The following FSTL5 variants were observed in gnomAD, a reference collection of about 807,000 sequenced individuals.
The protein encoded by FSTL5 is follistatin-related protein 5.
Under a neutral mutation model 89.1 loss-of-function variants are expected in FSTL5, and 62 were observed. The observed-to-expected ratio is 0.70, with a 90% CI of 0.57 to 0.86. FSTL5 has a LOEUF of 0.86. Among genes scored for constraint, FSTL5 ranks in the 40% least tolerant of loss-of-function variants. The pLI, the probability that FSTL5 is intolerant of heterozygous loss-of-function variation, is 0.00. For missense variants in FSTL5, 1,057 were observed against 1,001.6 expected (o/e 1.06, Z -0.75); for synonymous variants, 383 against 346.2 (o/e 1.11, Z -1.18).
chr4:162,102,930 A>G (rs180820806), intron 2 of FSTL5, among the ~76,000 whole-genome samples: 3 of 151,682 alleles, frequency 2.0e-5, no homozygotes, highest in Admixed American at 6.6e-5. Context: ...CAAAAGTTCA[A>G]ACTTGCCAAG....
chr4:161,660,504 T>C (rs370054575), intron 6 of FSTL5, among the ~76,000 whole-genome samples: 2 of 152,160 alleles, frequency 1.3e-5, no homozygotes, highest in East Asian at 3.9e-4. Context: ...CAGGGATACA[T>C]GTATGGGTTT....
intron 15 of FSTL5, among the ~76,000 whole-genome samples, chr4:161,415,512 C>T (rs1731742455): frequency 6.6e-6 from 1 of 152,066 alleles, no homozygotes; most frequent in Admixed American, 6.6e-5. Context: ...GCATCAACCT[C>T]CCAAAGTGCT....
intron 6 of FSTL5, among the ~76,000 whole-genome samples, chr4:161,697,830 G>T (rs950127259): frequency 9.2e-5 from 14 of 152,102 alleles, no homozygotes; most frequent in Non-Finnish European, 1.8e-4. Context: ...AATCTCTAGA[G>T]CCTATTTGGA....
At chr4:161,803,938 T>C (rs1266170897) in intron 4 of FSTL5, among the ~76,000 whole-genome samples, 1 of 151,990 alleles carries the variant, frequency 6.6e-6, no homozygotes, top group Non-Finnish European at 1.5e-5. Context: ...GATTAGATCT[T>C]CTCCTAAGCT....
At chr4:161,970,869 T>A (rs913854443) in intron 3 of FSTL5, among the ~76,000 whole-genome samples, 5 of 152,060 alleles carry the variant, frequency 3.3e-5, no homozygotes, top group Admixed American at 2.0e-4. Context: ...TGTAACTGTA[T>A]CAGTTATATT....
chr4:161,685,701 G>A (rs1034296671), intron 6 of FSTL5, among the ~76,000 whole-genome samples: 10 of 152,090 alleles, frequency 6.6e-5, no homozygotes, highest in Admixed American at 5.9e-4. Flanking sequence ...CATATCATTA[G>A]CAAACAAAGA....
intron 6 of FSTL5, among the ~76,000 whole-genome samples, chr4:161,753,745 C>T (rs916320778): frequency 6.6e-6 from 1 of 151,954 alleles, no homozygotes; most frequent in Non-Finnish European, 1.5e-5. Context: ...ATCTATATTG[C>T]ATTAAGAACT....
intron 6 of FSTL5, among the ~76,000 whole-genome samples, chr4:161,670,559 A>T (rs1737064066): frequency 6.6e-6 from 1 of 152,176 alleles, no homozygotes; most frequent in African/African-American, 2.4e-5. Context: ...ACAGACTTTA[A>T]TATTGTTTGC....
At chr4:161,759,011 A>G in intron 6 of FSTL5, among the ~76,000 whole-genome samples, 1 of 152,202 alleles carries the variant, frequency 6.6e-6, no homozygotes, top group East Asian at 1.9e-4. Flanking sequence ...CCCTTCAAAT[A>G]CACTCAAACT....
intron 4 of FSTL5, among the ~76,000 whole-genome samples, chr4:161,855,399 C>T (rs1731690569): frequency 6.6e-6 from 1 of 151,992 alleles, no homozygotes. Flanking sequence ...ATAAAACAGA[C>T]ACATTTATTT....
At chr4:161,988,458 A>T (rs980396583) in intron 3 of FSTL5, among the ~76,000 whole-genome samples, 10 of 152,184 alleles carry the variant, frequency 6.6e-5, no homozygotes, top group African/African-American at 2.2e-4. Context: ...TTTAAAGAGA[A>T]GAAATTTCTG....
intron 6 of FSTL5, among the ~76,000 whole-genome samples, chr4:161,711,159 C>T (rs191824441): frequency 7.9e-5 from 12 of 151,180 alleles, no homozygotes; most frequent in African/African-American, 1.2e-4. Context: ...GGGACAGGTA[C>T]GAGGAAATTA....
At chr4:161,696,813 A>G (rs1357173861) in intron 6 of FSTL5, among the ~76,000 whole-genome samples, 2 of 152,186 alleles carry the variant, frequency 1.3e-5, no homozygotes, top group Non-Finnish European at 2.9e-5. Flanking sequence ...ATCTTGAAAC[A>G]TTGCTGAATT....
chr4:161,594,283 G>C lies in FSTL5; in HGVS notation c.895-6708C>G, dbSNP rs180978830. On this transcript the variant is annotated intron_variant, in intron 7 of 15. Coordinates refer to ENST00000306100, the MANE Select transcript of FSTL5 (RefSeq NM_020116.5). Reference sequence around the variant, plus strand: ...GTGAAAATTCTGAATATATGTGAATGGCATTTGTGATTGTTTATATTCAAA... The same window carrying C: ...GTGAAAATTCTGAATATATGTGAATCGCATTTGTGATTGTTTATATTCAAA... 2.6e-5 allele frequency among the ~76,000 whole-genome samples: 4 copies of C among 152,084 alleles called. No homozygotes were observed. In the East Asian group the frequency reaches 5.8e-4, roughly 22 times the overall value.
intron 6 of FSTL5, among the ~76,000 whole-genome samples, chr4:161,694,058 A>G (rs1738049211): frequency 6.6e-6 from 1 of 151,444 alleles, no homozygotes; most frequent in South Asian, 2.1e-4. Context: ...AAATTTATTA[A>G]TCTTTACAAA....
At chr4:161,448,796 C>T (rs1733050358) in intron 15 of FSTL5, among the ~76,000 whole-genome samples, 1 of 152,134 alleles carries the variant, frequency 6.6e-6, no homozygotes, top group African/African-American at 2.4e-5. Flanking sequence ...ACTCTTAGCA[C>T]TTATTTCACT....
intron 4 of FSTL5, among the ~76,000 whole-genome samples, chr4:161,868,454 T>G (rs950258021): frequency 3.3e-5 from 5 of 152,180 alleles, no homozygotes; most frequent in Non-Finnish European, 5.9e-5. Flanking sequence ...TTAGTTTAGG[T>G]GCGTGTCTTT....
At chr4:161,761,682 C>T (rs915902989) in intron 5 of FSTL5, among the ~76,000 whole-genome samples, 31 of 152,120 alleles carry the variant, frequency 2.0e-4, no homozygotes, top group African/African-American at 7.5e-4. Flanking sequence ...TTGATCTTGG[C>T]CTTCACTTGG....
intron 4 of FSTL5, among the ~76,000 whole-genome samples, chr4:161,915,290 A>G (rs1428316942): frequency 6.9e-6 from 1 of 145,002 alleles, no homozygotes; most frequent in East Asian, 2.1e-4. Context: ...TCTTCCCCCC[A>G]TCATCCCCCT....
Sources: gnomAD v4.1 joint callset for allele counts (sites outside exome capture counted in the v4.1 genomes callset) on GRCh38, gnomAD v4.1.1 for gene constraint, MANE v1.5 for transcripts, NCBI Gene and HGNC (gene_info 2026-07-23, HGNC 2026-07-21) for gene names.